The following DENND1A variants were observed in gnomAD, a reference collection of about 807,000 sequenced individuals.
The protein encoded by DENND1A is DENN domain containing 1A.
In DENND1A, 51 loss-of-function variants were observed where a neutral mutation model predicts 113.7. The observed-to-expected ratio is 0.45, with a 90% CI of 0.36 to 0.57. The LOEUF is 0.57. DENND1A is among the 20% of genes least tolerant of loss of function. The probability of loss-of-function intolerance (pLI) is 0.00; values close to 1 mark genes in which losing one functional copy is unlikely to be tolerated. For synonymous variants in DENND1A, 565 were observed against 570.8 expected (o/e 0.99, Z 0.14); for missense variants, 1,258 against 1,395.9 (o/e 0.90, Z 1.57).
intron 5 of DENND1A, among the ~76,000 whole-genome samples, chr9:123,714,832 CCA>C (rs1351586570): frequency 4.6e-5 from 7 of 152,144 alleles, no homozygotes; most frequent in African/African-American, 1.7e-4. Context: ...ATATATTTCT[CCA>C]CAGTCAGGTT....
intron 7 of DENND1A, among the ~76,000 whole-genome samples, chr9:123,669,464 C>T (rs1483385984): frequency 6.6e-6 from 1 of 152,224 alleles, no homozygotes; most frequent in Non-Finnish European, 1.5e-5. Flanking sequence ...CAGAAACATT[C>T]CTAGAAACCA....
At chr9:123,415,519 G>T (rs73573372) in intron 19 of DENND1A, among the ~76,000 whole-genome samples, 1 of 152,232 alleles carries the variant, frequency 6.6e-6, no homozygotes, top group Non-Finnish European at 1.5e-5. Flanking sequence ...CAGAGCTGAG[G>T]CTGGGGACAG....
At chr9:123,752,076 G>A (rs768811385) in intron 5 of DENND1A, 2 of 152,264 alleles carry the variant, frequency 1.3e-5, no homozygotes, top group Non-Finnish European at 2.9e-5. Flanking sequence ...CATGAACAGT[G>A]CACCTAGAAG....
At chr9:123,653,739 T>C (rs1375305417) in intron 8 of DENND1A, among the ~76,000 whole-genome samples, 1 of 152,008 alleles carries the variant, frequency 6.6e-6, no homozygotes, top group Non-Finnish European at 1.5e-5. Context: ...CAAGATCAAG[T>C]ATGCCTAAAG....
At chr9:123,421,534 A>G (rs2045304655) in intron 19 of DENND1A, among the ~76,000 whole-genome samples, 1 of 152,122 alleles carries the variant, frequency 6.6e-6, no homozygotes, top group African/African-American at 2.4e-5. Flanking sequence ...TGTTCTGACC[A>G]CACAGAAAGG....
chr9:123,856,205 G>A (rs368469903), intron 2 of DENND1A, among the ~76,000 whole-genome samples: 4 of 152,272 alleles, frequency 2.6e-5, no homozygotes, highest in African/African-American at 7.2e-5. Flanking sequence ...TCCTTAAGTC[G>A]AGGTACACGT....
chr9:123,394,448 T>C lies in DENND1A; in HGVS notation c.1632-6590A>G, dbSNP rs111474612. Among the ~76,000 whole-genome samples the C allele has an allele frequency of 5.8e-3, 878 of 151,988 alleles. 7 individuals carry two copies. The highest frequency in any genetic ancestry group is 0.034 in the Middle Eastern group (10 of 294). The stretch of plus-strand genomic sequence containing the variant: ...GCCAGCGCAAGGATGAGAGGTGACG[T>C]GCAAGTCTGGGGGTGGTGCAAGGCC... On this transcript the variant is annotated intron_variant, in intron 21 of 23. Transcript: ENST00000394215.
chr9:123,408,548 AG>A (rs1415885744), intron 20 of DENND1A, among the ~76,000 whole-genome samples: 2 of 152,218 alleles, frequency 1.3e-5, no homozygotes, highest in African/African-American at 2.4e-5. Context: ...TCGCACAGCC[AG>A]GAAGTGGCCA....
Position 123,637,957 on chromosome 9 carries a change from A to G in DENND1A, c.619-7481T>C, listed in dbSNP as rs879381992. 8.1e-3 allele frequency among the ~76,000 whole-genome samples: 1,207 copies of G among 149,144 alleles called. 23 individuals are homozygous for G. The highest frequency in any genetic ancestry group is 0.014 in the Admixed American group (212 of 14,944). On this transcript the variant is annotated intron_variant, in intron 9 of 23. Coordinates refer to ENST00000394215, the MANE Select transcript of DENND1A (RefSeq NM_001352964.2). ...CGCACACACACACACACACGCGCAC[A>G]CACACACACACACACACCAAAAAAA...
chr9:123,464,501 A>G (rs1015240377), intron 13 of DENND1A, among the ~76,000 whole-genome samples: 8 of 152,358 alleles, frequency 5.3e-5, no homozygotes, highest in Admixed American at 2.0e-4. Flanking sequence ...TCAACGCTGC[A>G]TGGTTCCACT....
intron 13 of DENND1A, among the ~76,000 whole-genome samples, chr9:123,462,972 G>T (rs2048651384): frequency 6.6e-6 from 1 of 152,100 alleles, no homozygotes; most frequent in Non-Finnish European, 1.5e-5. Context: ...TCGTCCACCT[G>T]CGTCCTGCAA....
At chr9:123,886,195 T>C (rs2133689990) in intron 1 of DENND1A, among the ~76,000 whole-genome samples, 1 of 152,316 alleles carries the variant, frequency 6.6e-6, no homozygotes, top group South Asian at 2.1e-4. Context: ...TTGTTTTTTT[T>C]TTCAAGGCAT....
intron 8 of DENND1A, among the ~76,000 whole-genome samples, chr9:123,653,012 A>G (rs2062741997): frequency 6.6e-6 from 1 of 152,188 alleles, no homozygotes; most frequent in African/African-American, 2.4e-5. Flanking sequence ...AATGCCATAC[A>G]ATATAATCCT....
At chr9:123,452,796 C>T (rs2047831571) in intron 16 of DENND1A, among the ~76,000 whole-genome samples, 1 of 152,152 alleles carries the variant, frequency 6.6e-6, no homozygotes, top group Non-Finnish European at 1.5e-5. Context: ...CCTGATCAGC[C>T]AGGATCGTTG....
chr9:123,526,810 T>C lies in DENND1A; in HGVS notation c.993+30760A>G, dbSNP rs192434735. Among the ~76,000 whole-genome samples the C allele has an allele frequency of 7.9e-5, 12 of 152,382 alleles. No individual in the cohort carries two copies. The East Asian group carries it at 1.7e-3, about 22-fold the overall frequency. ...TCTTAAATATACATTAGCTGTTCTC[T>C]GGTCTATGCTCTTTTCTTCTTACTT... On this transcript the variant is annotated intron_variant, in intron 13 of 23. Transcript: ENST00000394215.
intron 2 of DENND1A, among the ~76,000 whole-genome samples, chr9:123,860,355 A>G (rs990238311): frequency 6.6e-6 from 1 of 152,166 alleles, no homozygotes; most frequent in Non-Finnish European, 1.5e-5. Flanking sequence ...TACTCTAGTC[A>G]TTCGTTCATT....
At chr9:123,461,853 A>G (rs1476788048) in intron 13 of DENND1A, 24 of 151,498 alleles carry the variant, frequency 1.6e-4, no homozygotes, top group Non-Finnish European at 2.9e-5. Context: ...GAGCTTAAAG[A>G]ACAGCATCAG....
At chr9:123,623,226 GAAGT>G in intron 10 of DENND1A, among the ~76,000 whole-genome samples, 1 of 152,286 alleles carries the variant, frequency 6.6e-6, no homozygotes, top group South Asian at 2.1e-4. Flanking sequence ...CAAGGCAACA[GAAGT>G]AAGAATAATG....
intron 13 of DENND1A, among the ~76,000 whole-genome samples, chr9:123,545,498 G>A (rs183468471): frequency 9.9e-5 from 15 of 151,238 alleles, no homozygotes; most frequent in East Asian, 3.9e-4. Context: ...ACAGAGTCTC[G>A]CTCTGTCGCC....
Sources: gnomAD v4.1 joint callset for allele counts (sites outside exome capture counted in the v4.1 genomes callset) on GRCh38, gnomAD v4.1.1 for gene constraint, MANE v1.5 for transcripts, NCBI Gene and HGNC (gene_info 2026-07-23, HGNC 2026-07-21) for gene names.